OR2T11: variants seen among roughly 807,000 people sequenced by gnomAD.
The protein encoded by OR2T11 is olfactory receptor 2T11.
In OR2T11, 14 loss-of-function variants were observed where a neutral mutation model predicts 13.5. The ratio of observed to expected loss-of-function variants is 1.04; its 90% CI spans 0.69 to 1.62. The LOEUF is 1.62. Ranked by LOEUF, OR2T11 falls within the 40% of genes most tolerant of loss-of-function variation. The pLI is 0.00. For missense variants in OR2T11, 410 were observed against 389.7 expected, an observed-to-expected ratio of 1.05 and a Z score of -0.44; for synonymous variants, 163 against 154.6, an observed-to-expected ratio of 1.05 and a Z score of -0.40.
rs1190437949 is a variant in OR2T11 at position 248,632,492 on chromosome 1, G to C, written c.-145+2546C>G. On this transcript the variant is annotated intron_variant, in intron 1 of 1. Transcript: ENST00000641193. ...GGTTTGGGGGAACTAAGTTACAGGA[G>C]AGTCTCCCTGCTGTGGATTGGGGAC... is the stretch of plus-strand genomic sequence containing the variant. Among the ~76,000 whole-genome samples the C allele has an allele frequency of 1.5e-5, 2 of 137,208 alleles. 1 individual carries two copies. Among genetic ancestry groups the C allele is most frequent in the Non-Finnish European group, 3.1e-5 (2 of 64,658 alleles). 90.0% of individuals were successfully genotyped at this position (137,208 alleles called of 152,430 possible).
intron 1 of OR2T11, among the ~76,000 whole-genome samples, chr1:248,628,477 G>C (rs1438778974): frequency 7.1e-6 from 1 of 140,730 alleles, no homozygotes; most frequent in Non-Finnish European, 1.5e-5. Context: ...CCACTATCTA[G>C]TGTTGCCAGA....
rs770137142 is a variant in OR2T11 at position 248,626,482 on chromosome 1, G to C, written c.647C>G (p.Ser216Cys). 1 of 1,572,878 alleles carries C rather than the reference G, an allele frequency of 6.4e-7. No individual in the cohort carries two copies. The highest frequency in any genetic ancestry group is 1.1e-5 in the South Asian group (1 of 88,916). ...GCGGTGGATGGTTAACAAGATGAGGGAGTAGGAAGTGGAGATGATAGAGAT... is the reference window on the plus strand; with the variant it reads ...GCGGTGGATGGTTAACAAGATGAGGCAGTAGGAAGTGGAGATGATAGAGAT... ...IPISIISTSY[S>C]LILLTIHRMP... The change falls in exon 2 of 2, where the codon TCC becomes TGC. Residue 216 changes from serine (S) to cysteine (C), a missense_variant. Transcript: ENST00000641193.
rs1660501938 is a variant in OR2T11 at position 248,625,587 on chromosome 1, C to T, written c.*591G>A. 6.9e-6 allele frequency: 1 copy of T among 144,796 alleles called. No individual in the cohort carries two copies. Among genetic ancestry groups the T allele is most frequent in the African/African-American group, 2.7e-5 (1 of 36,584 alleles). 9.0% of individuals were successfully genotyped at this position (144,796 alleles called of 1,614,324 possible). A position where few individuals can be genotyped will look rare whatever the true frequency, so the allele number is the denominator to read the frequency against. On this transcript the variant is annotated 3_prime_UTR_variant, in exon 2 of 2. Transcript: ENST00000641193. ...CATGCTGAACCTCCACCCATTCATACTCAGTTCTGTTCAATTCACCACCAT... is the reference window on the plus strand; with the variant it reads ...CATGCTGAACCTCCACCCATTCATATTCAGTTCTGTTCAATTCACCACCAT...
Position 248,631,003 on chromosome 1 carries a change from T to G in OR2T11, c.-144-3731A>C, listed in dbSNP as rs1337915226. 2.8e-5 allele frequency among the ~76,000 whole-genome samples: 4 copies of G among 142,466 alleles called. 1 individual carries two copies. Among genetic ancestry groups the G allele is most frequent in the Non-Finnish European group, 6.1e-5 (4 of 66,030 alleles). 93.5% of individuals were successfully genotyped at this position (142,466 alleles called of 152,430 possible). A position where few individuals can be genotyped will look rare whatever the true frequency, so the allele number is the denominator to read the frequency against. On this transcript the variant is annotated intron_variant, in intron 1 of 1. Coordinates refer to ENST00000641193, the MANE Select transcript of OR2T11 (RefSeq NM_001001964.2). ...CTCAGTCGGTCTCCGGGTTTGACGATAGAGGGGACCCCAAGCCAAGGAATG... is the reference window on the plus strand; with the variant it reads ...CTCAGTCGGTCTCCGGGTTTGACGAGAGAGGGGACCCCAAGCCAAGGAATG...
chr1:248,630,302 C>G (rs1660590185), intron 1 of OR2T11, among the ~76,000 whole-genome samples: 1 of 143,070 alleles, frequency 7.0e-6, no homozygotes, highest in African/African-American at 2.7e-5. Flanking sequence ...AAATAAATAA[C>G]AAGTTTCTAA....
rs747394504 is a variant in OR2T11, at chr1:248,626,139, G to GA, written c.*38dup. On this transcript the variant is annotated 3_prime_UTR_variant, in exon 2 of 2. Coordinates refer to ENST00000641193, the MANE Select transcript of OR2T11 (RefSeq NM_001001964.2). ...CTCCAGGGAAACAGGGCAAATGGAG[G>GA]AAGTCCTTAGGAAGCCTTATCCTCT... is the stretch of plus-strand genomic sequence containing the variant. The GA allele has an allele frequency of 3.5e-6, 4 of 1,140,000 alleles. 1 individual carries two copies. The African/African-American group carries it at 5.2e-5, about 15-fold the overall frequency. The allele number at this position is 1,140,000 out of a possible 1,614,324, so 70.6% of individuals were successfully genotyped here. A position where few individuals can be genotyped will look rare whatever the true frequency, so the allele number is the denominator to read the frequency against.
Position 248,629,991 on chromosome 1 carries a change from G to C in OR2T11, c.-144-2719C>G, listed in dbSNP as rs1339248052. ...CTTCAAGCTAGAAAGTAAGCTTCAT[G>C]TGAATAAGGATTTGTGCCTATTTTG... On this transcript the variant is annotated intron_variant, in intron 1 of 1. Transcript: ENST00000641193. 2.5e-5 allele frequency among the ~76,000 whole-genome samples: 3 copies of C among 121,090 alleles called. 1 individual carries two copies. The highest frequency in any genetic ancestry group is 5.2e-5 in the Non-Finnish European group (3 of 58,058). 79.4% of individuals were successfully genotyped at this position (121,090 alleles called of 152,430 possible).
Position 248,633,756 on chromosome 1 carries a change from A to G in OR2T11, c.-145+1282T>C, listed in dbSNP as rs185734708. 3.5e-5 allele frequency among the ~76,000 whole-genome samples: 5 copies of G among 143,670 alleles called. No homozygotes were observed. In the East Asian group the frequency reaches 1.0e-3, roughly 29 times the overall value. 94.3% of individuals were successfully genotyped at this position (143,670 alleles called of 152,430 possible). A position where few individuals can be genotyped will look rare whatever the true frequency, so the allele number is the denominator to read the frequency against. ...CCAGGGAAAGAACAATTTTGACAAC[A>G]TCAACTGACATATGTAATCCTAAAC... On this transcript the variant is annotated intron_variant, in intron 1 of 1. Transcript: ENST00000641193.
In OR2T11 at chr1:248,626,556, C is replaced by T. The variant is rs1269859623; in HGVS notation, c.573G>A (p.Leu191=). 10 of 1,570,842 alleles carry T rather than the reference C, an allele frequency of 6.4e-6. 1 individual carries two copies. The highest frequency in any genetic ancestry group is 1.5e-5 in the African/African-American group (1 of 66,918). Residue 191 remains leucine, a synonymous_variant, in exon 2 of 2, where the codon TTG becomes TTA. Coordinates refer to ENST00000641193, the MANE Select transcript of OR2T11 (RefSeq NM_001001964.2). ...VLKLACADTS[L]YETLMYICCV... The stretch of plus-strand genomic sequence containing the variant: ...AGCAGATGTACATCAGAGTTTCATA[C>T]AAGGACGTGTCTGCACAGGCCAGTT...
intron 1 of OR2T11, among the ~76,000 whole-genome samples, chr1:248,628,996 A>C (rs1285017410): frequency 6.9e-6 from 1 of 143,904 alleles, no homozygotes; most frequent in Non-Finnish European, 1.5e-5. Context: ...ATATAAAAGA[A>C]ACATTCTATA....
rs1234154671 is a variant in OR2T11 at position 248,633,878 on chromosome 1, C to CTA, written c.-145+1158_-145+1159dup. Among the ~76,000 whole-genome samples the CTA allele has an allele frequency of 3.5e-5, 5 of 143,864 alleles. 2 individuals carry two copies. The highest frequency in any genetic ancestry group is 1.4e-4 in the African/African-American group (5 of 36,830). 94.4% of individuals were successfully genotyped at this position (143,864 alleles called of 152,430 possible). On this transcript the variant is annotated intron_variant, in intron 1 of 1. Transcript: ENST00000641193. Reference sequence around the variant, plus strand: ...ACCTCCTGTTTGCTTCAAAGAAGGACTATATGAAGAATCTAGCAAAAGCCA... The same window carrying CTA: ...ACCTCCTGTTTGCTTCAAAGAAGGACTATATATGAAGAATCTAGCAAAAGCCA...
chr1:248,626,680 G>A lies in OR2T11; in HGVS notation c.449C>T (p.Ser150Phe), dbSNP rs751330004. The A allele has an allele frequency of 3.2e-6, 5 of 1,572,990 alleles. 1 individual carries two copies. In the African/African-American group the frequency reaches 7.5e-5, roughly 24 times the overall value. Residue 150 changes from serine to phenylalanine, a missense_variant, in exon 2 of 2, where the codon TCC (serine) becomes TTC (phenylalanine). Coordinates refer to ENST00000641193, the MANE Select transcript of OR2T11 (RefSeq NM_001001964.2). ...GGGAGTGAGCAGAAAGCCATCGAGG[G>A]AGCCCCCAAACCAGGCACCAGCAGC... ...LLAAGAWFGG[S>F]LDGFLLTPIT...
chr1:248,630,859 CTG>C lies in OR2T11; in HGVS notation c.-144-3589_-144-3588del, dbSNP rs1347444306. ...GACTTTGTGGGTATGATTAAGAACT[CTG>C]AGATGAGGAGATTCTTCTGAATTAT... On this transcript the variant is annotated intron_variant, in intron 1 of 1. Coordinates refer to ENST00000641193, the MANE Select transcript of OR2T11 (RefSeq NM_001001964.2). Among the ~76,000 whole-genome samples, 5 of 143,310 alleles carry C rather than the reference CTG, an allele frequency of 3.5e-5. 1 individual carries two copies. Among genetic ancestry groups the C allele is most frequent in the African/African-American group, 1.4e-4 (5 of 36,400 alleles). 94.0% of individuals were successfully genotyped at this position (143,310 alleles called of 152,430 possible).
rs749590849 is a variant in OR2T11, at chr1:248,626,975, G to T, written c.154C>A (p.Leu52Ile). The change falls in exon 2 of 2, where the codon CTC becomes ATC. Residue 52 changes from leucine (L) to isoleucine (I), a missense_variant. Transcript: ENST00000641193. ...MIFLIQVDSR[L>I]HTPMYFLLSQ... Reference sequence around the variant, plus strand: ...AGCAGAAAGTACATGGGGGTGTGGAGGCGAGAGTCCACCTGAATCAAGAAT... The same window carrying T: ...AGCAGAAAGTACATGGGGGTGTGGATGCGAGAGTCCACCTGAATCAAGAAT... 7.6e-6 allele frequency: 12 copies of T among 1,571,282 alleles called. 3 individuals are homozygous for T. The East Asian group carries it at 2.7e-4, about 36-fold the overall frequency.
At chr1:248,629,764 GT>G (rs1255349624) in intron 1 of OR2T11, among the ~76,000 whole-genome samples, 1 of 140,562 alleles carries the variant, frequency 7.1e-6, no homozygotes, top group Non-Finnish European at 1.5e-5. Flanking sequence ...CTTGTCCTCT[GT>G]CCCCACTTTG....
At position 248,623,820 on chromosome 1, in the gene OR2T11, G is replaced by A. The variant is rs1660476101; in HGVS notation, c.*2358C>T. The A allele has an allele frequency of 7.0e-6, 1 of 142,584 alleles. No individual in the cohort carries two copies. Among genetic ancestry groups the A allele is most frequent in the Non-Finnish European group, 1.5e-5 (1 of 66,088 alleles). 8.8% of individuals were successfully genotyped at this position (142,584 alleles called of 1,614,324 possible). ...TCATGAATCGTCTGACAAATGTGCT[G>A]TGCTAAATTCATAAATTCAATGCAA... On this transcript the variant is annotated 3_prime_UTR_variant, in exon 2 of 2. Coordinates refer to ENST00000641193, the MANE Select transcript of OR2T11 (RefSeq NM_001001964.2).
At chr1:248,631,378 T>C (rs1246829559) in intron 1 of OR2T11, among the ~76,000 whole-genome samples, 1 of 143,414 alleles carries the variant, frequency 7.0e-6, no homozygotes, top group Non-Finnish European at 1.5e-5. Flanking sequence ...GGTCGATCAC[T>C]AATTATCACC....
At chr1:248,634,941 T>C (rs1345193372) in intron 1 of OR2T11, 97 bp downstream of exon 1, 1 of 144,546 alleles carries the variant, frequency 6.9e-6, no homozygotes, top group African/African-American at 2.7e-5. Context: ...AAGTAGACTT[T>C]ATGCTTTCTT....
Position 248,626,800 on chromosome 1 carries a change from A to G in OR2T11, c.329T>C (p.Phe110Ser). The part of the protein sequence containing the change: ...LYLTMIGSEF[F>S]LLGLMAYDCY... ...GTCATAGGCCATGAGGCCCAGGAGG[A>G]AGAACTCAGAACCAATCATGGTCAG... The change falls in exon 2 of 2, where the codon TTC becomes TCC. Residue 110 changes from phenylalanine (F) to serine (S), a missense_variant. Coordinates refer to ENST00000641193, the MANE Select transcript of OR2T11 (RefSeq NM_001001964.2). The G allele has an allele frequency of 6.4e-7, 1 of 1,569,876 alleles. No individual in the cohort carries two copies. Among genetic ancestry groups the G allele is most frequent in the Non-Finnish European group, 8.7e-7 (1 of 1,155,064 alleles).
Sources: gnomAD v4.1 joint callset for allele counts (sites outside exome capture counted in the v4.1 genomes callset) on GRCh38, gnomAD v4.1.1 for gene constraint, MANE v1.5 for transcripts, NCBI Gene and HGNC (gene_info 2026-07-23, HGNC 2026-07-21) for gene names.